The following TENM1 variants were observed in gnomAD, a reference collection of about 807,000 sequenced individuals.
TENM1 encodes teneurin transmembrane protein 1.
A neutral mutation model predicts 174.8 loss-of-function variants in TENM1; 35 were observed. The ratio of observed to expected loss-of-function variants is 0.20; its 90% CI spans 0.15 to 0.27. TENM1 has a LOEUF of 0.27. Among genes scored for constraint, TENM1 ranks in the 10% least tolerant of loss-of-function variants. The pLI, the probability that TENM1 is intolerant of heterozygous loss-of-function variation, is 1.00. For missense variants in TENM1, 1,633 were observed against 2,130.1 expected, an observed-to-expected ratio of 0.77 and a Z score of 4.59; for synonymous variants, 781 against 798.7, an observed-to-expected ratio of 0.98 and a Z score of 0.37.
At chrX:125,024,370 A>ACACACACACACACAC in the TENM1 span, among the ~76,000 whole-genome samples, 7 of 102,512 alleles carry the variant, frequency 6.8e-5, no homozygotes, top group Non-Finnish European at 1.1e-4. Flanking sequence ...ACATATGCAC[A>ACACACACACACACAC]CACACACACA....
chrX:124,752,051 C>G (rs1202531942), intron 3 of TENM1, among the ~76,000 whole-genome samples: 4 of 110,419 alleles, frequency 3.6e-5, no homozygotes, highest in Non-Finnish European at 5.7e-5. Context: ...GTTCTAGATC[C>G]CTGAGGAATC....
At position 124,520,791 on chromosome X, in the gene TENM1, T is replaced by TAAAAAAAAAAAA; in HGVS notation, c.3034-19_3034-8dup. On this transcript the variant is annotated splice_polypyrimidine_tract_variant and splice_region_variant and intron_variant, in intron 17 of 31. Coordinates refer to ENST00000422452, the Ensembl canonical transcript of TENM1. Reference sequence around the variant, plus strand: ...GAATTTCCTCCTGTACAACCTGAAATAAAAAAAAAAAAAAAAAGCCAAATA... The same window carrying TAAAAAAAAAAAA: ...GAATTTCCTCCTGTACAACCTGAAATAAAAAAAAAAAAAAAAAAAAAAAAAAAAAGCCAAATA... The TAAAAAAAAAAAA allele has an allele frequency of 1.6e-6, 1 of 615,652 alleles. No individual in the cohort carries two copies. The highest frequency in any genetic ancestry group is 2.2e-6 in the Non-Finnish European group (1 of 463,255). 50.7% of individuals were successfully genotyped at this position (615,652 alleles called of 1,213,427 possible).
intron 14 of TENM1, among the ~76,000 whole-genome samples, chrX:124,561,461 C>CA (rs1015175892): frequency 9.1e-6 from 1 of 109,746 alleles, no homozygotes; most frequent in South Asian, 3.9e-4. Context: ...ATAACACATG[C>CA]AAAAAAAATT....
chrX:125,194,751 G>T, the TENM1 span, among the ~76,000 whole-genome samples: 1 of 111,542 alleles, frequency 9.0e-6, no homozygotes, highest in African/African-American at 3.3e-5. Flanking sequence ...AAATAAAATG[G>T]CACTCTCTTG....
At chrX:124,715,444 C>T (rs2053155130) in intron 4 of TENM1, among the ~76,000 whole-genome samples, 1 of 109,429 alleles carries the variant, frequency 9.1e-6, no homozygotes, top group Non-Finnish European at 1.9e-5. Context: ...TTTCCCTTTG[C>T]TGAAAGTCAG....
chrX:124,950,155 C>T (rs2058461820), intron 1 of TENM1, among the ~76,000 whole-genome samples: 1 of 111,325 alleles, frequency 9.0e-6, no homozygotes, highest in South Asian at 3.8e-4. Context: ...ATTTCCTAAG[C>T]ACTTATTCTG....
chrX:124,866,067 C>T (rs1376904597), intron 3 of TENM1, among the ~76,000 whole-genome samples: 5 of 111,771 alleles, frequency 4.5e-5, no homozygotes, highest in Non-Finnish European at 9.4e-5. Context: ...TAGCTGCAGA[C>T]TTCAACACCC....
At chrX:124,734,101 T>C in intron 4 of TENM1, among the ~76,000 whole-genome samples, 1 of 111,449 alleles carries the variant, frequency 9.0e-6, no homozygotes. Context: ...GTTCTTTGCA[T>C]TTTACCCTTT....
chrX:124,996,807 G>C, the TENM1 span, among the ~76,000 whole-genome samples: 2 of 111,235 alleles, frequency 1.8e-5, no homozygotes, highest in Admixed American at 1.9e-4. Flanking sequence ...TACATCAAGA[G>C]AATGCAGTCC....
At chrX:124,803,505 A>G (rs2055507804) in intron 3 of TENM1, among the ~76,000 whole-genome samples, 1 of 112,035 alleles carries the variant, frequency 8.9e-6, no homozygotes, top group Non-Finnish European at 1.9e-5. Context: ...AGAGCTTTCT[A>G]TCCTCTCTAT....
chrX:124,465,549 A>G (rs764982191), intron 22 of TENM1, among the ~76,000 whole-genome samples: 5 of 111,721 alleles, frequency 4.5e-5, no homozygotes, highest in Non-Finnish European at 7.5e-5. Flanking sequence ...ACCGTGCCCC[A>G]TCTTAGTTAT....
chrX:124,526,185 A>C (rs944498647), intron 16 of TENM1, among the ~76,000 whole-genome samples: 2 of 111,628 alleles, frequency 1.8e-5, no homozygotes, highest in Non-Finnish European at 3.8e-5. Context: ...AAAGGAGATG[A>C]TCCTTGATAA....
chrX:124,561,184 C>G (rs759837844), intron 14 of TENM1, among the ~76,000 whole-genome samples: 10 of 111,972 alleles, frequency 8.9e-5, no homozygotes, highest in Non-Finnish European at 1.9e-4. Flanking sequence ...ACTATGCTAA[C>G]ATCAAACAAC....
At chrX:124,820,540 T>A (rs756163085) in intron 3 of TENM1, among the ~76,000 whole-genome samples, 1 of 112,403 alleles carries the variant, frequency 8.9e-6, no homozygotes, top group Admixed American at 9.4e-5. Context: ...CTCAAAAATC[T>A]TATGTAATCT....
intron 3 of TENM1, among the ~76,000 whole-genome samples, chrX:124,854,692 T>A (rs1603247303): frequency 9.0e-6 from 1 of 111,695 alleles, no homozygotes; most frequent in South Asian, 3.7e-4. Context: ...GAAAATATAT[T>A]TCATAAATAC....
chrX:124,588,212 A>C (rs1403346288), intron 11 of TENM1, among the ~76,000 whole-genome samples: 3 of 111,444 alleles, frequency 2.7e-5, no homozygotes, highest in African/African-American at 9.8e-5. Flanking sequence ...AAGGACTATA[A>C]ATCATGCTGC....
the TENM1 span, among the ~76,000 whole-genome samples, chrX:125,109,199 G>A: frequency 5.4e-5 from 6 of 111,596 alleles, no homozygotes; most frequent in African/African-American, 2.0e-4. Context: ...ACACACAGAC[G>A]TATGCATGCG....
the TENM1 span, among the ~76,000 whole-genome samples, chrX:125,074,697 T>C: frequency 9.0e-6 from 1 of 111,109 alleles, no homozygotes; most frequent in African/African-American, 3.3e-5. Context: ...CTCTCAACTA[T>C]CCCAATATTC....
the TENM1 span, among the ~76,000 whole-genome samples, chrX:125,017,002 G>C: frequency 8.9e-6 from 1 of 111,972 alleles, no homozygotes; most frequent in Non-Finnish European, 1.9e-5. Flanking sequence ...GGGAAAACTG[G>C]CTAGCCATAG....
Sources: gnomAD v4.1 joint callset for allele counts (sites outside exome capture counted in the v4.1 genomes callset) on GRCh38, gnomAD v4.1.1 for gene constraint, MANE v1.5 for transcripts, NCBI Gene and HGNC (gene_info 2026-07-23, HGNC 2026-07-21) for gene names.